TRDN: variants seen among roughly 807,000 people sequenced by gnomAD.
TRDN encodes triadin.
TRDN carries 161 observed loss-of-function variants against 149.7 expected under a neutral mutation model. The observed-to-expected ratio is 1.08, with a 90% confidence interval of 0.95 to 1.23. The LOEUF is 1.23. Ranked by LOEUF, TRDN falls within the 50% of genes most tolerant of loss-of-function variation. The pLI, the probability that TRDN is intolerant of heterozygous loss-of-function variation, is 0.00. For synonymous variants in TRDN, 294 were observed against 250.5 expected, an observed-to-expected ratio of 1.17 and a Z score of -1.64; for missense variants, 896 against 823.5, an observed-to-expected ratio of 1.09 and a Z score of -1.08.
chr6:123,288,760 C>G (rs1326363913), intron 24 of TRDN, among the ~76,000 whole-genome samples: 2 of 151,980 alleles, frequency 1.3e-5, no homozygotes, highest in East Asian at 3.9e-4. Context: ...AAAGGAATCC[C>G]TTGTACACTG....
At chr6:123,222,137 G>A (rs1256748239) in intron 39 of TRDN, among the ~76,000 whole-genome samples, 4 of 151,692 alleles carry the variant, frequency 2.6e-5, no homozygotes, top group Admixed American at 2.0e-4. Context: ...TGGTATCCAC[G>A]AATGGGGTTT....
At chr6:123,445,360 G>T (rs1775252904) in intron 10 of TRDN, among the ~76,000 whole-genome samples, 1 of 139,624 alleles carries the variant, frequency 7.2e-6, no homozygotes, top group Admixed American at 7.1e-5. Context: ...CAAAAGCAAT[G>T]GCAACAAAAG....
Position 123,535,460 on chromosome 6 carries a change from G to A in TRDN, c.425-4895C>T, listed in dbSNP as rs569493817. On this transcript the variant is annotated intron_variant, in intron 4 of 40. Coordinates refer to ENST00000334268, the MANE Select transcript of TRDN (RefSeq NM_006073.4). The stretch of plus-strand genomic sequence containing the variant: ...AGTGAAGATAAGGGAGGAAAAAGTA[G>A]TATCTCCTCTTAGATCCTTATCGCT... Among the ~76,000 whole-genome samples the A allele has an allele frequency of 2.6e-5, 4 of 152,248 alleles. No individual in the cohort carries two copies. In the South Asian group the frequency reaches 8.3e-4, roughly 32 times the overall value.
At chr6:123,305,960 C>A (rs1254576591) in intron 24 of TRDN, among the ~76,000 whole-genome samples, 1 of 152,076 alleles carries the variant, frequency 6.6e-6, no homozygotes, top group Non-Finnish European at 1.5e-5. Flanking sequence ...CAGAATATGT[C>A]TAGACTTTTA....
Position 123,252,437 on chromosome 6 carries a change from TA to T in TRDN, c.1952-3del. The T allele has an allele frequency of 2.0e-6, 3 of 1,511,080 alleles. No homozygotes were observed. Among genetic ancestry groups the T allele is most frequent in the South Asian group, 1.2e-5 (1 of 80,346 alleles). 93.6% of individuals were successfully genotyped at this position (1,511,080 alleles called of 1,614,324 possible). On this transcript the variant is annotated splice_polypyrimidine_tract_variant and splice_region_variant and intron_variant, in intron 37 of 40. Transcript: ENST00000334268. ...TTGATACTCTTGCAGGTTTTTCTGC[TA>T]AAAAGAGAAAATAAATAAGTTTTGT...
chr6:123,453,363 A>C (rs1470924014), intron 10 of TRDN, among the ~76,000 whole-genome samples: 1 of 152,226 alleles, frequency 6.6e-6, no homozygotes, highest in Non-Finnish European at 1.5e-5. Flanking sequence ...TACATCTGAC[A>C]AAGGACTAAT....
intron 21 of TRDN, among the ~76,000 whole-genome samples, chr6:123,346,262 T>A (rs938328084): frequency 6.6e-6 from 1 of 152,068 alleles, no homozygotes; most frequent in African/African-American, 2.4e-5. Flanking sequence ...TCTCAAATGC[T>A]TTTACCATTA....
At chr6:123,291,426 G>A (rs1441054264) in intron 24 of TRDN, among the ~76,000 whole-genome samples, 1 of 151,950 alleles carries the variant, frequency 6.6e-6, no homozygotes, top group African/African-American at 2.4e-5. Context: ...TTAGCCTGGA[G>A]TGGTGGCGGG....
chr6:123,535,768 A>G (rs1461597495), intron 4 of TRDN, among the ~76,000 whole-genome samples: 1 of 152,190 alleles, frequency 6.6e-6, no homozygotes, highest in Admixed American at 6.5e-5. Context: ...TCTTTATTTC[A>G]GGATTCCGAT....
chr6:123,479,684 C>CA (rs1454231782), intron 9 of TRDN, among the ~76,000 whole-genome samples: 1 of 152,110 alleles, frequency 6.6e-6, no homozygotes, highest in East Asian at 1.9e-4. Flanking sequence ...TTTGAGCTTG[C>CA]ATTTGCAGGC....
intron 1 of TRDN, among the ~76,000 whole-genome samples, chr6:123,619,162 G>A (rs1285015339): frequency 2.0e-5 from 3 of 152,156 alleles, no homozygotes; most frequent in Non-Finnish European, 4.4e-5. Flanking sequence ...CTAATATAAT[G>A]TATTATCTGT....
At chr6:123,617,887 G>A (rs1344827234) in intron 1 of TRDN, among the ~76,000 whole-genome samples, 2 of 151,818 alleles carry the variant, frequency 1.3e-5, no homozygotes, top group East Asian at 1.9e-4. Context: ...ACAGGTGCCC[G>A]CCAACACACC....
At chr6:123,235,947 T>C (rs1039005851) in intron 38 of TRDN, among the ~76,000 whole-genome samples, 1 of 152,330 alleles carries the variant, frequency 6.6e-6, no homozygotes, top group African/African-American at 2.4e-5. Context: ...TGAAGGACAT[T>C]TGGGTTATTT....
intron 32 of TRDN, among the ~76,000 whole-genome samples, chr6:123,266,111 GTATTA>G (rs1776945028): frequency 8.5e-6 from 1 of 118,302 alleles, no homozygotes; most frequent in Non-Finnish European, 1.6e-5. Context: ...TATATCATAT[GTATTA>G]TATATTATAT....
intron 4 of TRDN, among the ~76,000 whole-genome samples, chr6:123,533,419 C>G (rs1270481831): frequency 6.6e-6 from 1 of 152,022 alleles, no homozygotes; most frequent in Non-Finnish European, 1.5e-5. Context: ...CTGAAAAAAT[C>G]CTGTCAGAGC....
intron 10 of TRDN, among the ~76,000 whole-genome samples, chr6:123,446,584 C>CAAAAAAAA (rs572029827): frequency 4.9e-4 from 30 of 61,086 alleles, no homozygotes; most frequent in African/African-American, 1.5e-3. Context: ...GATTCCATCT[C>CAAAAAAAA]AAAAAAAAAA....
rs530138398 is a variant in TRDN, at chr6:123,220,089, C to T, written c.2051-1349G>A. Among the ~76,000 whole-genome samples the T allele has an allele frequency of 1.3e-4, 19 of 151,952 alleles. No homozygotes were observed. The South Asian group carries it at 3.9e-3, about 31-fold the overall frequency. On this transcript the variant is annotated intron_variant, in intron 40 of 40. Transcript: ENST00000334268. The stretch of plus-strand genomic sequence containing the variant: ...CTTGTAAGACGAAGATAGCAAATAT[C>T]ATTTTGATGCAATAGATCCCCCAAC...
chr6:123,409,691 A>G (rs1337771560), intron 12 of TRDN, among the ~76,000 whole-genome samples: 1 of 13,810 alleles, frequency 7.2e-5, no homozygotes, highest in Non-Finnish European at 1.5e-4. Context: ...AATGTAATTT[A>G]CACACACACA....
At chr6:123,396,773 A>G (rs1772749240) in intron 12 of TRDN, among the ~76,000 whole-genome samples, 1 of 152,250 alleles carries the variant, frequency 6.6e-6, no homozygotes, top group Admixed American at 6.5e-5. Context: ...ACATTTTGTT[A>G]AAGAGCCAAT....
Sources: allele counts gnomAD v4.1 joint callset (sites outside exome capture counted in the v4.1 genomes callset), GRCh38; gene constraint gnomAD v4.1.1; transcripts MANE v1.5; gene names NCBI Gene and HGNC (gene_info 2026-07-23, HGNC 2026-07-21).